The following GRIA4 variants were observed in gnomAD, a reference collection of about 807,000 sequenced individuals.
GRIA4 encodes glutamate ionotropic receptor AMPA type subunit 4, also known as glutamate receptor 4.
A neutral mutation model predicts 104.0 loss-of-function variants in GRIA4; 34 were observed. The observed-to-expected ratio is 0.33, with a 90% CI of 0.25 to 0.44. The LOEUF is 0.44. Among genes scored for constraint, GRIA4 ranks in the 20% least tolerant of loss-of-function variants. GRIA4 has a pLI of 1.00. For missense variants in GRIA4, 750 were observed against 1,096.5 expected (o/e 0.68, Z 4.46); for synonymous variants, 386 against 381.9 (o/e 1.01, Z -0.13).
At chr11:105,815,599 C>T (rs1943344648) in intron 4 of GRIA4, among the ~76,000 whole-genome samples, 1 of 151,980 alleles carries the variant, frequency 6.6e-6, no homozygotes, top group South Asian at 2.1e-4. Context: ...CCAGCTGTTA[C>T]TGCCGAAAGC....
intron 5 of GRIA4, among the ~76,000 whole-genome samples, chr11:105,883,344 T>A (rs633977): frequency 6.6e-6 from 1 of 151,560 alleles, no homozygotes; most frequent in Admixed American, 6.6e-5. Flanking sequence ...TTGTTACATA[T>A]GTATACATGC....
At chr11:105,628,174 T>C (rs1431930212) in intron 3 of GRIA4, among the ~76,000 whole-genome samples, 4 of 152,126 alleles carry the variant, frequency 2.6e-5, no homozygotes, top group African/African-American at 9.7e-5. Flanking sequence ...TTGCAAGATA[T>C]GGTTATTCCT....
intron 14 of GRIA4, among the ~76,000 whole-genome samples, chr11:105,948,028 G>A (rs752714434): frequency 2.0e-5 from 3 of 152,138 alleles, no homozygotes; most frequent in Non-Finnish European, 4.4e-5. Flanking sequence ...TCACAGATGT[G>A]AGCCCCCATG....
At chr11:105,655,331 G>C (rs1252454206) in intron 3 of GRIA4, among the ~76,000 whole-genome samples, 1 of 151,978 alleles carries the variant, frequency 6.6e-6, no homozygotes, top group Non-Finnish European at 1.5e-5. Context: ...TGTATAGTAA[G>C]GGATAGTTTC....
At chr11:105,653,376 C>T (rs1951738118) in intron 3 of GRIA4, among the ~76,000 whole-genome samples, 1 of 152,128 alleles carries the variant, frequency 6.6e-6, no homozygotes. Flanking sequence ...GACAGTCGAT[C>T]TGATAACTCA....
chr11:105,862,382 C>T (rs1423831050), intron 5 of GRIA4, 174 bp downstream of exon 5: 1 of 555,518 alleles, frequency 1.8e-6, no homozygotes. Flanking sequence ...TCACCAAGGA[C>T]CTTTTTGGTT....
rs1948207925 is a variant in GRIA4 at position 105,942,524 on chromosome 11, T to C, written c.2294+8555T>C. Among the ~76,000 whole-genome samples the C allele has an allele frequency of 2.0e-5, 3 of 152,196 alleles. No individual in the cohort carries two copies. In the South Asian group the frequency reaches 6.2e-4, roughly 32 times the overall value. On this transcript the variant is annotated intron_variant, in intron 14 of 16. Transcript: ENST00000282499. The stretch of plus-strand genomic sequence containing the variant: ...ACCCTCTTATGATGTCGTTTTATTA[T>C]AGAGGAAGGAACTGTATAATACACT...
intron 5 of GRIA4, among the ~76,000 whole-genome samples, chr11:105,866,551 GTATATATATA>G (rs71041633): frequency 2.3e-4 from 18 of 76,716 alleles, no homozygotes; most frequent in Admixed American, 1.2e-3. Flanking sequence ...GTGTGTGTGT[GTATATATATA>G]TATATATATA....
At chr11:105,701,122 G>C (rs1591100523) in intron 3 of GRIA4, among the ~76,000 whole-genome samples, 1 of 152,052 alleles carries the variant, frequency 6.6e-6, no homozygotes, top group East Asian at 1.9e-4. Flanking sequence ...AGTTTTTCTT[G>C]GTCTCCTGAG....
At chr11:105,633,836 G>C (rs1374348733) in intron 3 of GRIA4, among the ~76,000 whole-genome samples, 1 of 152,076 alleles carries the variant, frequency 6.6e-6, no homozygotes, top group Non-Finnish European at 1.5e-5. Context: ...TATCCTAATG[G>C]AGCCTCAAAA....
At chr11:105,831,521 C>G (rs1436806429) in intron 4 of GRIA4, among the ~76,000 whole-genome samples, 1 of 151,948 alleles carries the variant, frequency 6.6e-6, no homozygotes, top group Non-Finnish European at 1.5e-5. Context: ...CATTTGTATG[C>G]AGTGTTAAAA....
chr11:105,698,277 T>C (rs555426970), intron 3 of GRIA4, among the ~76,000 whole-genome samples: 2 of 152,340 alleles, frequency 1.3e-5, no homozygotes, highest in African/African-American at 4.8e-5. Context: ...ATAATTAATG[T>C]AATTATAGTG....
At chr11:105,671,676 T>TA (rs1163743556) in intron 3 of GRIA4, among the ~76,000 whole-genome samples, 1 of 1,340 alleles carries the variant, frequency 7.5e-4, no homozygotes, top group African/African-American at 2.3e-3. Flanking sequence ...AGACTCTGTC[T>TA]CAAAAAAAAA....
At chr11:105,869,694 GTATT>G (rs2136045334) in intron 5 of GRIA4, among the ~76,000 whole-genome samples, 1 of 152,134 alleles carries the variant, frequency 6.6e-6, no homozygotes, top group South Asian at 2.1e-4. Context: ...AAATTATACA[GTATT>G]TATATTAAAC....
intron 3 of GRIA4, among the ~76,000 whole-genome samples, chr11:105,724,058 T>C (rs1938017211): frequency 6.6e-6 from 1 of 152,026 alleles, no homozygotes; most frequent in Non-Finnish European, 1.5e-5. Flanking sequence ...TCATACAGTG[T>C]TGGTGGGAAT....
chr11:105,858,490 T>C (rs1945098475), intron 4 of GRIA4, among the ~76,000 whole-genome samples: 1 of 152,196 alleles, frequency 6.6e-6, no homozygotes, highest in Non-Finnish European at 1.5e-5. Context: ...CAAGCATTTA[T>C]TCTTTCTTTA....
At chr11:105,661,753 T>C (rs753831257) in intron 3 of GRIA4, among the ~76,000 whole-genome samples, 2 of 151,740 alleles carry the variant, frequency 1.3e-5, no homozygotes, top group Non-Finnish European at 2.9e-5. Flanking sequence ...ATTTGGACGA[T>C]GGAATATGAG....
At chr11:105,664,486 A>G (rs532198146) in intron 3 of GRIA4, among the ~76,000 whole-genome samples, 2 of 151,906 alleles carry the variant, frequency 1.3e-5, no homozygotes, top group African/African-American at 4.8e-5. Flanking sequence ...CAGGAAAATG[A>G]CATAATTTCA....
At chr11:105,885,819 A>G (rs915050385) in intron 5 of GRIA4, among the ~76,000 whole-genome samples, 3 of 152,252 alleles carry the variant, frequency 2.0e-5, no homozygotes, top group African/African-American at 4.8e-5. Flanking sequence ...CTGGGAATCT[A>G]GAAGCTGAGA....
Sources: allele counts gnomAD v4.1 joint callset (sites outside exome capture counted in the v4.1 genomes callset), GRCh38; gene constraint gnomAD v4.1.1; transcripts MANE v1.5; gene names NCBI Gene and HGNC (gene_info 2026-07-23, HGNC 2026-07-21).